The following CHMP6 variants were observed in gnomAD, a reference collection of about 807,000 sequenced individuals.
The protein encoded by CHMP6 is charged multivesicular body protein 6.
Under a neutral mutation model 32.8 loss-of-function variants are expected in CHMP6, and 10 were observed. That is an observed-to-expected ratio of 0.30 (90% CI 0.19 to 0.52). The LOEUF is 0.52. Among genes scored for constraint, CHMP6 ranks in the 20% least tolerant of loss-of-function variants. CHMP6 has a pLI of 0.97. For missense variants in CHMP6, 269 were observed against 263.8 expected (o/e 1.02, Z -0.14); for synonymous variants, 123 against 105.8 (o/e 1.16, Z -1.00).
rs2069595745 is a variant in CHMP6, at chr17:80,991,966, G to A, written c.48G>A (p.Gln16=). 1.4e-6 allele frequency: 2 copies of A among 1,450,250 alleles called. No individual in the cohort carries two copies. Among genetic ancestry groups the A allele is most frequent in the African/African-American group, 1.5e-5 (1 of 67,728 alleles). 89.8% of individuals were successfully genotyped at this position (1,450,250 alleles called of 1,614,324 possible). ...GRKKQSRVTE[Q]DKAILQLKQQ... is the part of the protein sequence containing the mutation. ...AGAAGCAGAGCCGCGTCACGGAGCAGGACAAGGCCATCCTGGTGAGGGCCC... is the reference window on the plus strand; with the variant it reads ...AGAAGCAGAGCCGCGTCACGGAGCAAGACAAGGCCATCCTGGTGAGGGCCC... The change falls in exon 1 of 8, where the codon CAG becomes CAA. Residue 16 remains glutamine (Q), a synonymous_variant. Transcript: ENST00000325167.
intron 1 of CHMP6, 61 bp downstream of exon 1, chr17:80,992,042 C>A (rs2069596716): frequency 8.3e-7 from 1 of 1,211,154 alleles, no homozygotes; most frequent in Non-Finnish European, 1.0e-6. Flanking sequence ...CCGGGGCGGG[C>A]GGCGGGGCCG....
At chr17:80,997,596 TTCTG>T (rs944170436) in intron 6 of CHMP6, among the ~76,000 whole-genome samples, 12 of 152,206 alleles carry the variant, frequency 7.9e-5, no homozygotes, top group Non-Finnish European at 1.2e-4. Flanking sequence ...CTCGGCCCCT[TTCTG>T]TCCCCGGCTG....
Position 80,996,933 on chromosome 17 carries a change from G to A in CHMP6, c.349-74G>A, listed in dbSNP as rs1406977808. The A allele has an allele frequency of 6.3e-6, 9 of 1,439,518 alleles. No individual in the cohort carries two copies. The East Asian group carries it at 1.4e-4, about 22-fold the overall frequency. The allele number at this position is 1,439,518 out of a possible 1,614,324, so 89.2% of individuals were successfully genotyped here. The stretch of plus-strand genomic sequence containing the variant: ...GAGGGGTGAGGCCATGGCCCTGAGA[G>A]CCCAGGAGGCCTCTGTCGGGGGTCT... On this transcript the variant is annotated intron_variant, in intron 4 of 7. Coordinates refer to ENST00000325167, the MANE Select transcript of CHMP6 (RefSeq NM_024591.5).
chr17:80,997,461 G>T lies in CHMP6; in HGVS notation c.495+120G>T, dbSNP rs1042994766. The T allele has an allele frequency of 6.8e-6, 4 of 585,752 alleles. No individual in the cohort carries two copies. In the African/African-American group the frequency reaches 8.1e-5, roughly 12 times the overall value. The allele number at this position is 585,752 out of a possible 1,614,324, so 36.3% of individuals were successfully genotyped here. A position where few individuals can be genotyped will look rare whatever the true frequency, so the allele number is the denominator to read the frequency against. ...GTGGTGTCCTTTAAGTAAATAGTCT[G>T]CGGTTTGTGACTGGTTTTCCTACCT... On this transcript the variant is annotated intron_variant, in intron 6 of 7. Transcript: ENST00000325167.
chr17:80,991,933 C>G lies in CHMP6; in HGVS notation c.15C>G (p.Phe5Leu), dbSNP rs1428130137. The G allele has an allele frequency of 6.8e-7, 1 of 1,468,492 alleles. No homozygotes were observed. Among genetic ancestry groups the G allele is most frequent in the Non-Finnish European group, 9.1e-7 (1 of 1,104,390 alleles). The allele number at this position is 1,468,492 out of a possible 1,614,324, so 91.0% of individuals were successfully genotyped here. A position where few individuals can be genotyped will look rare whatever the true frequency, so the allele number is the denominator to read the frequency against. MGNLFGRKKQSRVTE... is the reference protein window; with the variant it reads MGNLLGRKKQSRVTE... ...CGGGCGCCGCCATGGGTAACCTGTT[C>G]GGCCGCAAGAAGCAGAGCCGCGTCA... The change falls in exon 1 of 8, where the codon TTC becomes TTG. Residue 5 changes from phenylalanine to leucine, a missense_variant. By Grantham distance (22) the Phe-to-Leu change is conservative (BLOSUM62 0). Transcript: ENST00000325167.
At chr17:80,993,872 G>T (rs1428912450) in intron 1 of CHMP6, among the ~76,000 whole-genome samples, 1 of 152,184 alleles carries the variant, frequency 6.6e-6, no homozygotes, top group Non-Finnish European at 1.5e-5. Flanking sequence ...TGGCCGTGTG[G>T]CTGGTGGCAC....
rs571187737 is a variant in CHMP6, at chr17:80,999,507, C to G, written c.*354C>G. 1.8e-4 allele frequency: 43 copies of G among 245,330 alleles called. No homozygotes were observed. In the South Asian group the frequency reaches 2.5e-3, roughly 14 times the overall value. The allele number at this position is 245,330 out of a possible 1,614,324, so 15.2% of individuals were successfully genotyped here. ...GGCTCGCGCTCGTCTGTGAGGAAGA[C>G]ACCTCCAGACCTTGGGGTCCCCGCG... On this transcript the variant is annotated 3_prime_UTR_variant, in exon 8 of 8. Transcript: ENST00000325167.
rs560147004 is a variant in CHMP6 at position 80,995,311 on chromosome 17, G to A, written c.261+205G>A. Among the ~76,000 whole-genome samples, 7 of 152,304 alleles carry A rather than the reference G, an allele frequency of 4.6e-5. No homozygotes were observed. In the South Asian group the frequency reaches 1.4e-3, roughly 32 times the overall value. On this transcript the variant is annotated intron_variant, in intron 3 of 7. Transcript: ENST00000325167. ...TCTTAAGAGGCTGGGGGGCAGGTTG[G>A]CTCTCGCAGGACTGAGGTGGGGAAG...
In CHMP6 at chr17:80,997,459, C is replaced by T. The variant is rs562952785; in HGVS notation, c.495+118C>T. 8 of 607,256 alleles carry T rather than the reference C, an allele frequency of 1.3e-5. No individual in the cohort carries two copies. The East Asian group carries it at 3.2e-4, about 24-fold the overall frequency. 37.6% of individuals were successfully genotyped at this position (607,256 alleles called of 1,614,324 possible). A position where few individuals can be genotyped will look rare whatever the true frequency, so the allele number is the denominator to read the frequency against. On this transcript the variant is annotated intron_variant, in intron 6 of 7. Transcript: ENST00000325167. ...ATGTGGTGTCCTTTAAGTAAATAGT[C>T]TGCGGTTTGTGACTGGTTTTCCTAC...
At chr17:80,995,818 G>A in intron 4 of CHMP6, 60 bp downstream of exon 4, 2 of 1,491,702 alleles carry the variant, frequency 1.3e-6, no homozygotes, top group Non-Finnish European at 1.9e-6. Flanking sequence ...CTGGAGCTGG[G>A]GATAGGGCGG....
At chr17:80,998,038 C>G (rs2144153027) in intron 6 of CHMP6, among the ~76,000 whole-genome samples, 1 of 152,372 alleles carries the variant, frequency 6.6e-6, no homozygotes, top group East Asian at 1.9e-4. Flanking sequence ...CCAGCGTGAC[C>G]TGGGTGTCTG....
Position 80,994,565 on chromosome 17 carries a change from C to G in CHMP6, c.64-16C>G. The G allele has an allele frequency of 6.5e-7, 1 of 1,548,448 alleles. No homozygotes were observed. Among genetic ancestry groups the G allele is most frequent in the Non-Finnish European group, 8.7e-7 (1 of 1,146,226 alleles). Reference sequence around the variant, plus strand: ...AGTGTGGGCTCGGTGACGCCAGGCCCTCTCTCTCTTGGCAGCAACTGAAGC... The same window carrying G: ...AGTGTGGGCTCGGTGACGCCAGGCCGTCTCTCTCTTGGCAGCAACTGAAGC... On this transcript the variant is annotated splice_polypyrimidine_tract_variant and intron_variant, in intron 1 of 7. Coordinates refer to ENST00000325167, the MANE Select transcript of CHMP6 (RefSeq NM_024591.5).
chr17:80,997,086 T>C lies in CHMP6; in HGVS notation c.414+14T>C, dbSNP rs1182852123. 1 of 1,612,714 alleles carries C rather than the reference T, an allele frequency of 6.2e-7. No individual in the cohort carries two copies. Among genetic ancestry groups the C allele is most frequent in the Admixed American group, 1.7e-5 (1 of 59,912 alleles). On this transcript the variant is annotated intron_variant, in intron 5 of 7. Coordinates refer to ENST00000325167, the MANE Select transcript of CHMP6 (RefSeq NM_024591.5). The stretch of plus-strand genomic sequence containing the variant: ...GAGTACCAGCGGGTAGGTGGCACCC[T>C]GACCGGCCTGCCCCCAACTGTGAGA...
chr17:80,995,159 C>T (rs2069626579), intron 3 of CHMP6, 53 bp downstream of exon 3: 4 of 1,513,752 alleles, frequency 2.6e-6, no homozygotes, highest in South Asian at 2.4e-5. Flanking sequence ...GAGGCAGCTC[C>T]GCCCGGCTGC....
At chr17:80,994,734 G>T in intron 2 of CHMP6, 44 bp downstream of exon 2, 1 of 1,046,680 alleles carries the variant, frequency 9.6e-7, no homozygotes, top group Non-Finnish European at 1.4e-6. Context: ...CGGCTGGGGT[G>T]GGGGGCCCGG....
At chr17:80,994,019 TCTC>T (rs1001652443) in intron 1 of CHMP6, among the ~76,000 whole-genome samples, 2 of 152,102 alleles carry the variant, frequency 1.3e-5, no homozygotes, top group African/African-American at 4.8e-5. Flanking sequence ...TTCACGCTGT[TCTC>T]CTGCCTCAGC....
Position 80,999,132 on chromosome 17 carries a change from G to A in CHMP6, c.585G>A (p.Ala195=), listed in dbSNP as rs762320455. Residue 195 remains alanine, a synonymous_variant, in exon 8 of 8, where the codon GCG becomes GCA. Coordinates refer to ENST00000325167, the MANE Select transcript of CHMP6 (RefSeq NM_024591.5). ...NVPVKARPRQ[A]ELVAAS ...CTGTCAAGGCCAGGCCCAGGCAGGC[G>A]GAGCTGGTGGCAGCTTCGTAACGTG... 42 of 1,613,882 alleles carry A rather than the reference G, an allele frequency of 2.6e-5. No individual in the cohort carries two copies. The highest frequency in any genetic ancestry group is 3.2e-5 in the Non-Finnish European group (38 of 1,179,946).
At chr17:80,994,467 GC>G in intron 1 of CHMP6, 113 bp from the exon 2 acceptor site, 2 of 843,638 alleles carry the variant, frequency 2.4e-6, no homozygotes, top group Non-Finnish European at 3.6e-6. Flanking sequence ...AGGCAACCCT[GC>G]CCCATGAAGG....
chr17:80,995,141 T>C, intron 3 of CHMP6, 35 bp downstream of exon 3: 2 of 1,571,070 alleles, frequency 1.3e-6, no homozygotes, highest in Non-Finnish European at 1.7e-6. Context: ...GGAGTGCAGG[T>C]GCAGCTGGAG....
Sources: allele counts gnomAD v4.1 joint callset (sites outside exome capture counted in the v4.1 genomes callset), GRCh38; gene constraint gnomAD v4.1.1; transcripts MANE v1.5; gene names NCBI Gene and HGNC (gene_info 2026-07-23, HGNC 2026-07-21).